The following SLCO1C1 variants were observed in gnomAD, a reference collection of about 807,000 sequenced individuals.
The protein encoded by SLCO1C1 is solute carrier organic anion transporter family member 1C1.
In SLCO1C1, 70 loss-of-function variants were observed where a neutral mutation model predicts 76.4. That is an observed-to-expected ratio of 0.92 (90% confidence interval 0.76 to 1.12). SLCO1C1 has a LOEUF of 1.12. Among genes scored for constraint, SLCO1C1 ranks in the 50% most tolerant of loss-of-function variants. The probability of loss-of-function intolerance (pLI) is 0.00; values close to 1 mark genes in which losing one functional copy is unlikely to be tolerated. For synonymous variants in SLCO1C1, 306 were observed against 286.1 expected (o/e 1.07, Z -0.70); for missense variants, 912 against 823.8 (o/e 1.11, Z -1.31).
At chr12:20,724,451 A>ATATGTATGTG (rs1555129500) in intron 9 of SLCO1C1, among the ~76,000 whole-genome samples, 1 of 75,396 alleles carries the variant, frequency 1.3e-5, no homozygotes, top group African/African-American at 5.3e-5. Context: ...ATATATATAT[A>ATATGTATGTG]TGTGTGTGTG....
chr12:20,743,514 C>G lies in SLCO1C1; in HGVS notation c.1798+145C>G, dbSNP rs557919350. 8.7e-5 allele frequency: 48 copies of G among 552,944 alleles called. 1 individual carries two copies. The South Asian group carries it at 9.8e-4, about 11-fold the overall frequency. 34.3% of individuals were successfully genotyped at this position (552,944 alleles called of 1,614,324 possible). On this transcript the variant is annotated intron_variant, in intron 13 of 14. Coordinates refer to ENST00000266509, the MANE Select transcript of SLCO1C1 (RefSeq NM_017435.5). ...GTCTTTTTTATTCCTTTCTTCATTTCTTTGTTCCCTTCCTCCTTTTCTTGA... is the reference window on the plus strand; with the variant it reads ...GTCTTTTTTATTCCTTTCTTCATTTGTTTGTTCCCTTCCTCCTTTTCTTGA...
chr12:20,752,579 CAAAT>C lies in SLCO1C1; in HGVS notation c.*56_*59del. ...TTCTAATTGGTTGACATTTTGCAAA[CAAAT>C]AAATTGTAATCAAAAGAGCTCTAAA... On this transcript the variant is annotated 3_prime_UTR_variant, in exon 15 of 15. Transcript: ENST00000266509. 1 of 1,418,526 alleles carries C rather than the reference CAAAT, an allele frequency of 7.0e-7. No homozygotes were observed. The highest frequency in any genetic ancestry group is 2.3e-5 in the East Asian group (1 of 42,970). The allele number at this position is 1,418,526 out of a possible 1,614,324, so 87.9% of individuals were successfully genotyped here.
intron 12 of SLCO1C1, among the ~76,000 whole-genome samples, chr12:20,741,360 T>G (rs746978632): frequency 1.3e-5 from 2 of 152,180 alleles, no homozygotes; most frequent in Non-Finnish European, 2.9e-5. Context: ...ATTTATAAAT[T>G]GACACATAAA....
chr12:20,706,274 T>C (rs1357394704), intron 4 of SLCO1C1, among the ~76,000 whole-genome samples, 193 bp downstream of exon 4: 1 of 152,148 alleles, frequency 6.6e-6, no homozygotes, highest in African/African-American at 2.4e-5. Context: ...AAAAAATTGA[T>C]AGATTACTGT....
chr12:20,723,695 T>C (rs1947794390), intron 9 of SLCO1C1, among the ~76,000 whole-genome samples: 1 of 152,162 alleles, frequency 6.6e-6, no homozygotes, highest in South Asian at 2.1e-4. Flanking sequence ...AGGGTTGTGT[T>C]TCTAGCAACA....
Position 20,740,783 on chromosome 12 carries a change from TTATTTATATATATATATATATATA to T in SLCO1C1, c.1733+419_1733+442del, listed in dbSNP as rs1294427334. On this transcript the variant is annotated intron_variant, in intron 12 of 14. Coordinates refer to ENST00000266509, the MANE Select transcript of SLCO1C1 (RefSeq NM_017435.5). ...TAATACAACAATGTTAGAATTTATT[TTATTTATATATATATATATATATA>T]TATATATATATGGCTTTATCTGTAT... Among the ~76,000 whole-genome samples the T allele has an allele frequency of 6.4e-3, 344 of 53,996 alleles. 12 individuals are homozygous for T. The highest frequency in any genetic ancestry group is 0.012 in the Admixed American group (51 of 4,256). 35.4% of individuals were successfully genotyped at this position (53,996 alleles called of 152,430 possible).
At chr12:20,736,699 T>C (rs967372798) in intron 10 of SLCO1C1, among the ~76,000 whole-genome samples, 1 of 152,114 alleles carries the variant, frequency 6.6e-6, no homozygotes, top group Admixed American at 6.6e-5. Context: ...CAATTCTGAA[T>C]GAAATTTGCA....
chr12:20,696,542 A>C (rs893686481), intron 1 of SLCO1C1, among the ~76,000 whole-genome samples: 1 of 152,066 alleles, frequency 6.6e-6, no homozygotes, highest in African/African-American at 2.4e-5. Context: ...CTGATTATTC[A>C]ATGTTTTTGA....
Position 20,716,069 on chromosome 12 carries a change from G to A in SLCO1C1, c.676+784G>A, listed in dbSNP as rs570740096. On this transcript the variant is annotated intron_variant, in intron 6 of 14. Coordinates refer to ENST00000266509, the MANE Select transcript of SLCO1C1 (RefSeq NM_017435.5). Reference sequence around the variant, plus strand: ...AATTCTAATCTTTTAAAGGCCTCACGTTCAGGGACAGAAAGGCAAGATTTA... The same window carrying A: ...AATTCTAATCTTTTAAAGGCCTCACATTCAGGGACAGAAAGGCAAGATTTA... Among the ~76,000 whole-genome samples the A allele has an allele frequency of 1.5e-4, 23 of 152,216 alleles. 3 individuals are homozygous for A. The highest frequency in any genetic ancestry group is 5.5e-4 in the African/African-American group (23 of 41,536).
chr12:20,720,997 C>CAAAAAAA (rs35297084), intron 7 of SLCO1C1, among the ~76,000 whole-genome samples: 5 of 43,978 alleles, frequency 1.1e-4, no homozygotes, highest in Non-Finnish European at 2.0e-4. Context: ...AACTCCATCT[C>CAAAAAAA]AAAAAAAAAA....
chr12:20,746,855 T>C (rs915755613), intron 13 of SLCO1C1, among the ~76,000 whole-genome samples: 1 of 151,956 alleles, frequency 6.6e-6, no homozygotes, highest in East Asian at 1.9e-4. Context: ...AAAGTGAAGA[T>C]TGGATATTGC....
chr12:20,743,850 T>A (rs1820311363), intron 13 of SLCO1C1, among the ~76,000 whole-genome samples: 1 of 148,056 alleles, frequency 6.8e-6, no homozygotes, highest in African/African-American at 2.4e-5. Flanking sequence ...TTTGAGTAGG[T>A]CATACTTTAA....
At chr12:20,730,802 T>C (rs1246415935) in intron 9 of SLCO1C1, among the ~76,000 whole-genome samples, 1 of 152,116 alleles carries the variant, frequency 6.6e-6, no homozygotes, top group African/African-American at 2.4e-5. Context: ...CTGTACATGT[T>C]AGAAATATTT....
At chr12:20,742,351 C>G (rs1310800826) in intron 12 of SLCO1C1, among the ~76,000 whole-genome samples, 1 of 147,488 alleles carries the variant, frequency 6.8e-6, no homozygotes, top group Non-Finnish European at 1.5e-5. Flanking sequence ...TTTTTTGCCT[C>G]TTTTAAAGCA....
chr12:20,727,565 A>G (rs1948076714), intron 9 of SLCO1C1, among the ~76,000 whole-genome samples: 1 of 152,200 alleles, frequency 6.6e-6, no homozygotes. Context: ...GCTGGAGTGC[A>G]GTGGCGCCAT....
chr12:20,728,493 C>G (rs1438209537), intron 9 of SLCO1C1, among the ~76,000 whole-genome samples: 1 of 151,592 alleles, frequency 6.6e-6, no homozygotes, highest in South Asian at 2.1e-4. Flanking sequence ...GATATATCAA[C>G]TATCATTTAT....
intron 2 of SLCO1C1, chr12:20,699,998 C>T: frequency 4.5e-6 from 1 of 223,090 alleles, no homozygotes. Context: ...AAGCCAAGCA[C>T]AGATATAACA....
intron 5 of SLCO1C1, 55 bp from the exon 6 acceptor site, chr12:20,715,084 T>C: frequency 6.2e-7 from 1 of 1,602,428 alleles, no homozygotes; most frequent in Non-Finnish European, 8.5e-7. Context: ...GCAGAATAAA[T>C]ACTTAACTTT....
At chr12:20,716,604 T>A (rs371676425) in intron 6 of SLCO1C1, among the ~76,000 whole-genome samples, 3 of 152,204 alleles carry the variant, frequency 2.0e-5, no homozygotes, top group Non-Finnish European at 4.4e-5. Flanking sequence ...GTTCCAGAGA[T>A]AACTTTTCCT....
Sources: gnomAD v4.1 joint callset for allele counts (sites outside exome capture counted in the v4.1 genomes callset) on GRCh38, gnomAD v4.1.1 for gene constraint, MANE v1.5 for transcripts, NCBI Gene and HGNC (gene_info 2026-07-23, HGNC 2026-07-21) for gene names.